The following CSMD3 variants were observed in gnomAD, a reference collection of about 807,000 sequenced individuals.
CSMD3 encodes CUB and Sushi multiple domains 3, also known as CUB and sushi domain-containing protein 3.
Under a neutral mutation model 435.2 loss-of-function variants are expected in CSMD3, and 177 were observed. That is an observed-to-expected ratio of 0.41 (90% CI 0.36 to 0.46). The LOEUF is 0.46. CSMD3 is among the 20% of genes least tolerant of loss of function. CSMD3 has a pLI of 0.34. For missense variants in CSMD3, 4,265 were observed against 4,504.6 expected (o/e 0.95, Z 1.52); for synonymous variants, 1,656 against 1,520.5 (o/e 1.09, Z -2.07).
At chr8:113,337,550 GTAAAAC>G (rs2094085843) in intron 1 of CSMD3, among the ~76,000 whole-genome samples, 1 of 151,986 alleles carries the variant, frequency 6.6e-6, no homozygotes, top group South Asian at 2.1e-4. Flanking sequence ...ATACATAGAA[GTAAAAC>G]TTTATGTCTT....
intron 1 of CSMD3, among the ~76,000 whole-genome samples, chr8:113,427,456 T>G (rs1390716584): frequency 2.7e-5 from 4 of 149,838 alleles, no homozygotes; most frequent in Non-Finnish European, 6.0e-5. Context: ...CTCCATTCAA[T>G]GAGCTTTACT....
At chr8:112,491,003 T>C (rs1346833637) in intron 31 of CSMD3, among the ~76,000 whole-genome samples, 1 of 152,160 alleles carries the variant, frequency 6.6e-6, no homozygotes, top group African/African-American at 2.4e-5. Flanking sequence ...CTGGTAATGA[T>C]GGACCAATCA....
chr8:113,387,170 G>A (rs1213362312), intron 1 of CSMD3, among the ~76,000 whole-genome samples: 1 of 151,712 alleles, frequency 6.6e-6, no homozygotes, highest in Non-Finnish European at 1.5e-5. Flanking sequence ...ATACTTGCTG[G>A]TTTCATTGTT....
chr8:113,397,039 G>T (rs2094486805), intron 1 of CSMD3, among the ~76,000 whole-genome samples: 1 of 152,088 alleles, frequency 6.6e-6, no homozygotes. Flanking sequence ...ATAAACGAAT[G>T]AATGTTGGAA....
At chr8:112,243,548 A>T (rs1052946730) in intron 65 of CSMD3, among the ~76,000 whole-genome samples, 1 of 152,108 alleles carries the variant, frequency 6.6e-6, no homozygotes, top group African/African-American at 2.4e-5. Flanking sequence ...ACCCTGGCTG[A>T]GTAATGGATT....
At chr8:112,818,266 T>G (rs1451766084) in intron 12 of CSMD3, among the ~76,000 whole-genome samples, 1 of 152,136 alleles carries the variant, frequency 6.6e-6, no homozygotes, top group African/African-American at 2.4e-5. Context: ...AAGTGATATA[T>G]TATGTGTTTA....
Position 112,223,143 on chromosome 8 carries a change from C to A in CSMD3, c.*1628G>T. 2.5e-6 allele frequency: 1 copy of A among 397,906 alleles called. No individual in the cohort carries two copies. The highest frequency in any genetic ancestry group is 1.3e-4 in the South Asian group (1 of 7,804). The allele number at this position is 397,906 out of a possible 1,614,324, so 24.6% of individuals were successfully genotyped here. On this transcript the variant is annotated 3_prime_UTR_variant, in exon 71 of 71. Transcript: ENST00000297405. Reference sequence around the variant, plus strand: ...ATGAATGAATCATTGTTATTGCAGTCATTTGAATAAACAAGAATAAATAAC... The same window carrying A: ...ATGAATGAATCATTGTTATTGCAGTAATTTGAATAAACAAGAATAAATAAC...
chr8:112,992,255 A>T (rs2085483526), intron 6 of CSMD3, among the ~76,000 whole-genome samples: 1 of 148,530 alleles, frequency 6.7e-6, no homozygotes, highest in Admixed American at 6.7e-5. Flanking sequence ...CCCTCCCTCT[A>T]TCTTTTTTTC....
In CSMD3 at chr8:113,369,893, T is replaced by C. The variant is rs545683725; in HGVS notation, c.179-55100A>G. On this transcript the variant is annotated intron_variant, in intron 1 of 70. Transcript: ENST00000297405. ...AAATAGAGAGTAGAATGGTGATTAC[T>C]AGAGGCTGAGGCAGTGACAGTGGGG... is the stretch of plus-strand genomic sequence containing the variant. 3.9e-5 allele frequency among the ~76,000 whole-genome samples: 6 copies of C among 151,934 alleles called. 1 individual carries two copies. In the South Asian group the frequency reaches 1.0e-3, roughly 26 times the overall value.
chr8:112,962,529 A>G (rs1057013974), intron 7 of CSMD3, among the ~76,000 whole-genome samples: 1 of 151,690 alleles, frequency 6.6e-6, no homozygotes, highest in Non-Finnish European at 1.5e-5. Context: ...AATTTTATAA[A>G]TTTACAAAAA....
chr8:113,363,508 T>C (rs2133004341), intron 1 of CSMD3, among the ~76,000 whole-genome samples: 1 of 152,270 alleles, frequency 6.6e-6, no homozygotes, highest in African/African-American at 2.4e-5. Context: ...TTGACTAGGA[T>C]GTATTTCAGA....
chr8:112,274,679 T>C (rs1323471215), intron 59 of CSMD3, among the ~76,000 whole-genome samples: 1 of 152,052 alleles, frequency 6.6e-6, no homozygotes, highest in Admixed American at 6.6e-5. Context: ...AAAATATGTA[T>C]TTTAAAAGGT....
At chr8:113,355,722 T>G (rs13263298) in intron 1 of CSMD3, among the ~76,000 whole-genome samples, 2 of 77,796 alleles carry the variant, frequency 2.6e-5, no homozygotes, top group Admixed American at 2.7e-4. Context: ...AGTTTTATTT[T>G]TATATATATA....
At chr8:112,270,454 A>C (rs1817420472) in intron 59 of CSMD3, among the ~76,000 whole-genome samples, 1 of 151,136 alleles carries the variant, frequency 6.6e-6, no homozygotes, top group South Asian at 2.1e-4. Context: ...TCCAGTGGGA[A>C]ATTCTCAAAG....
chr8:112,431,072 C>A (rs1422286002), intron 32 of CSMD3, among the ~76,000 whole-genome samples: 2 of 144,566 alleles, frequency 1.4e-5, no homozygotes, highest in Non-Finnish European at 3.2e-5. Flanking sequence ...TCAAGTCATT[C>A]CCTGCCCTCA....
intron 4 of CSMD3, 93 bp from the exon 5 acceptor site, chr8:113,099,056 A>T (rs1004706712): frequency 3.7e-6 from 3 of 818,322 alleles, no homozygotes; most frequent in African/African-American, 3.4e-5. Context: ...TTTGGATAAA[A>T]ATAACAGTTC....
rs769759214 is a variant in CSMD3 at position 112,666,297 on chromosome 8, A to G, written c.2796T>C (p.Ser932=). 3.1e-6 allele frequency: 5 copies of G among 1,611,508 alleles called. No individual in the cohort carries two copies. The highest frequency in any genetic ancestry group is 1.3e-5 in the African/African-American group (1 of 74,852). ...EWVIEAEPGH[S]IKITFERFQT... Reference sequence around the variant, plus strand: ...GAGACCTTTCAAATGTAATTTTGATAGAGTGTCCAGGTTCAGCTTCAATCA... The same window carrying G: ...GAGACCTTTCAAATGTAATTTTGATGGAGTGTCCAGGTTCAGCTTCAATCA... Residue 932 remains serine (S), a synonymous_variant, in exon 17 of 71, where the codon TCT becomes TCC. Transcript: ENST00000297405.
chr8:112,647,498 A>G (rs373818993), intron 19 of CSMD3, among the ~76,000 whole-genome samples: 218 of 152,060 alleles, frequency 1.4e-3, no homozygotes, highest in African/African-American at 5.2e-3. Flanking sequence ...TGGTAGAGAC[A>G]GGTTTCACTG....
intron 13 of CSMD3, among the ~76,000 whole-genome samples, chr8:112,746,592 T>A (rs932682963): frequency 3.9e-5 from 6 of 152,122 alleles, no homozygotes; most frequent in African/African-American, 1.4e-4. Context: ...CTGATGTAAT[T>A]AGTACCTCTT....
Sources: allele counts gnomAD v4.1 joint callset (sites outside exome capture counted in the v4.1 genomes callset), GRCh38; gene constraint gnomAD v4.1.1; transcripts MANE v1.5; gene names NCBI Gene and HGNC (gene_info 2026-07-23, HGNC 2026-07-21).